The following KDM4C variants were observed in gnomAD, a reference collection of about 807,000 sequenced individuals.
The protein encoded by KDM4C is lysine-specific demethylase 4C.
KDM4C carries 81 observed loss-of-function variants against 129.3 expected under a neutral mutation model. That is an observed-to-expected ratio of 0.63 (90% CI 0.52 to 0.75). The LOEUF (loss-of-function observed/expected upper bound fraction) is 0.75, where lower values mean the gene tolerates loss of function less well. Among genes scored for constraint, KDM4C ranks in the 30% least tolerant of loss-of-function variants. KDM4C has a pLI of 0.00. For missense variants in KDM4C, 1,457 were observed against 1,304.0 expected, an observed-to-expected ratio of 1.12 and a Z score of -1.81; for synonymous variants, 573 against 456.1, an observed-to-expected ratio of 1.26 and a Z score of -3.26.
chr9:6,974,800 A>G (rs1014350905), intron 8 of KDM4C: 14 of 152,220 alleles, frequency 9.2e-5, no homozygotes, highest in African/African-American at 3.1e-4. Context: ...CATGGAGTGC[A>G]TGAATTCAGA....
Position 6,840,585 on chromosome 9 carries a change from C to T in KDM4C, c.436-8922C>T, listed in dbSNP as rs565236742. ...CTAATTTTTGTATTTTTAGTAGAGG[C>T]GGGGTTTCACCATATTGGCCAGGCT... On this transcript the variant is annotated intron_variant, in intron 4 of 21. Coordinates refer to ENST00000381309, the MANE Select transcript of KDM4C (RefSeq NM_015061.6). Among the ~76,000 whole-genome samples, 16 of 152,016 alleles carry T rather than the reference C, an allele frequency of 1.1e-4. No individual in the cohort carries two copies. The East Asian group carries it at 1.5e-3, about 15-fold the overall frequency.
chr9:6,832,201 G>A (rs950714905), intron 4 of KDM4C, among the ~76,000 whole-genome samples: 3 of 151,204 alleles, frequency 2.0e-5, no homozygotes, highest in South Asian at 4.2e-4. Flanking sequence ...TTAGCCGGGC[G>A]TGGTGGTGGG....
At chr9:7,046,974 C>A (rs1287434417) in intron 16 of KDM4C, 57 bp downstream of exon 16, 2 of 1,243,828 alleles carry the variant, frequency 1.6e-6, no homozygotes, top group Admixed American at 1.7e-5. Flanking sequence ...CATTCTAGAA[C>A]CTTTGGATGA....
chr9:6,923,212 G>A (rs1254810625), intron 8 of KDM4C, among the ~76,000 whole-genome samples: 2 of 151,336 alleles, frequency 1.3e-5, no homozygotes, highest in Admixed American at 6.6e-5. Flanking sequence ...CATATGCAAA[G>A]CATTGGAATC....
At chr9:7,076,180 C>G (rs1427285462) in intron 17 of KDM4C, among the ~76,000 whole-genome samples, 4 of 151,674 alleles carry the variant, frequency 2.6e-5, no homozygotes, top group Admixed American at 6.6e-5. Flanking sequence ...GCAAGAACAA[C>G]AGAAGAAAAA....
chr9:6,858,438 A>T (rs904198998), intron 5 of KDM4C, among the ~76,000 whole-genome samples: 3 of 152,140 alleles, frequency 2.0e-5, no homozygotes, highest in African/African-American at 7.2e-5. Context: ...AAAAACCAGA[A>T]TGTTTACCCA....
chr9:6,765,494 T>C (rs566641865), intron 1 of KDM4C, among the ~76,000 whole-genome samples: 1 of 152,326 alleles, frequency 6.6e-6, no homozygotes, highest in Non-Finnish European at 1.5e-5. Context: ...ATTTTTGTGA[T>C]TATTTGATTG....
chr9:6,763,002 T>C (rs1394863826), intron 1 of KDM4C, among the ~76,000 whole-genome samples: 1 of 151,742 alleles, frequency 6.6e-6, no homozygotes, highest in Non-Finnish European at 1.5e-5. Flanking sequence ...AAAGATTCCC[T>C]ACTTCCTCAT....
At chr9:6,812,139 A>C (rs151063785) in intron 3 of KDM4C, among the ~76,000 whole-genome samples, 5 of 152,094 alleles carry the variant, frequency 3.3e-5, no homozygotes, top group African/African-American at 1.2e-4. Flanking sequence ...CGGGAGGCTG[A>C]GGCAGGAGAA....
At chr9:6,764,010 C>T (rs1348631125) in intron 1 of KDM4C, among the ~76,000 whole-genome samples, 1 of 152,170 alleles carries the variant, frequency 6.6e-6, no homozygotes, top group African/African-American at 2.4e-5. Context: ...CCATCCGCCT[C>T]GGCCTCCCAA....
chr9:7,035,397 T>C lies in KDM4C; in HGVS notation c.2260-11465T>C, dbSNP rs934148952. ...TGTATTCCAGATAGTAATCCTCTTT[T>C]TCAGATGAGTAGTTTGCAAATATTT... is the stretch of plus-strand genomic sequence containing the variant. On this transcript the variant is annotated intron_variant, in intron 15 of 21. Transcript: ENST00000381309. 2.0e-5 allele frequency among the ~76,000 whole-genome samples: 3 copies of C among 149,236 alleles called. No homozygotes were observed. In the Admixed American group the frequency reaches 2.0e-4, roughly 10 times the overall value.
At chr9:6,989,507 C>T (rs985062892) in intron 11 of KDM4C, among the ~76,000 whole-genome samples, 1 of 151,890 alleles carries the variant, frequency 6.6e-6, no homozygotes, top group Non-Finnish European at 1.5e-5. Flanking sequence ...CTGTAAATCC[C>T]AGGACAAAAA....
chr9:6,874,403 A>G (rs1351329935), intron 5 of KDM4C, among the ~76,000 whole-genome samples: 1 of 152,216 alleles, frequency 6.6e-6, no homozygotes, highest in Non-Finnish European at 1.5e-5. Flanking sequence ...TTTACCTCCT[A>G]TCATTTGCTC....
intron 8 of KDM4C, among the ~76,000 whole-genome samples, chr9:6,905,275 A>G (rs1383638389): frequency 1.3e-5 from 2 of 152,180 alleles, no homozygotes; most frequent in African/African-American, 4.8e-5. Context: ...GGGATAGATG[A>G]GGGAAAAGAC....
chr9:7,092,932 A>C (rs1214291272), intron 17 of KDM4C, among the ~76,000 whole-genome samples: 1 of 152,204 alleles, frequency 6.6e-6, no homozygotes, highest in Non-Finnish European at 1.5e-5. Context: ...TGGAAAGTGC[A>C]TTATAAAAGC....
intron 8 of KDM4C, among the ~76,000 whole-genome samples, chr9:6,944,975 AT>A (rs1447145424): frequency 1.3e-5 from 2 of 151,958 alleles, no homozygotes; most frequent in Non-Finnish European, 1.5e-5. Flanking sequence ...TAGTGTTCTT[AT>A]TTTTGCATGT....
chr9:7,106,522 A>C (rs943620792), intron 18 of KDM4C, among the ~76,000 whole-genome samples: 1 of 152,200 alleles, frequency 6.6e-6, no homozygotes. Context: ...TGTTGCTTCA[A>C]TAGAGTCTCC....
At chr9:6,987,694 ATACT>A (rs1817969218) in intron 11 of KDM4C, among the ~76,000 whole-genome samples, 1 of 152,202 alleles carries the variant, frequency 6.6e-6, no homozygotes, top group Non-Finnish European at 1.5e-5. Context: ...TAATTAAAAT[ATACT>A]TTTCTGATTT....
intron 8 of KDM4C, among the ~76,000 whole-genome samples, chr9:6,918,003 T>A (rs1820636446): frequency 6.6e-6 from 1 of 152,224 alleles, no homozygotes; most frequent in South Asian, 2.1e-4. Context: ...TTGAAAAATA[T>A]CTTCTCTTTT....
Sources: gnomAD v4.1 joint callset for allele counts (sites outside exome capture counted in the v4.1 genomes callset) on GRCh38, gnomAD v4.1.1 for gene constraint, MANE v1.5 for transcripts, NCBI Gene and HGNC (gene_info 2026-07-23, HGNC 2026-07-21) for gene names.